The following CTCFL variants were observed in gnomAD, a reference collection of about 807,000 sequenced individuals.
CTCFL encodes CCCTC-binding factor like.
CTCFL carries 36 observed loss-of-function variants against 67.4 expected under a neutral mutation model. That is an observed-to-expected ratio of 0.53 (90% confidence interval 0.41 to 0.71). The LOEUF (loss-of-function observed/expected upper bound fraction) is 0.71, where lower values mean the gene tolerates loss of function less well. Among genes scored for constraint, CTCFL ranks in the 30% least tolerant of loss-of-function variants. The pLI, the probability that CTCFL is intolerant of heterozygous loss-of-function variation, is 0.00. For synonymous variants in CTCFL, 324 were observed against 302.3 expected, an observed-to-expected ratio of 1.07 and a Z score of -0.75; for missense variants, 786 against 835.2, an observed-to-expected ratio of 0.94 and a Z score of 0.73.
At chr20:57,511,114 C>T (rs1600656971) in intron 8 of CTCFL, among the ~76,000 whole-genome samples, 1 of 152,074 alleles carries the variant, frequency 6.6e-6, no homozygotes, top group Non-Finnish European at 1.5e-5. Flanking sequence ...TGAACACAGC[C>T]TACTGCAGCC....
chr20:57,521,936 A>C (rs1252141453), intron 3 of CTCFL, among the ~76,000 whole-genome samples: 3 of 152,266 alleles, frequency 2.0e-5, no homozygotes, highest in Non-Finnish European at 4.4e-5. Flanking sequence ...ACAGAGTAGG[A>C]AGTGACTGCC....
At chr20:57,500,885 A>G (rs2067877637) in intron 10 of CTCFL, among the ~76,000 whole-genome samples, 1 of 152,212 alleles carries the variant, frequency 6.6e-6, no homozygotes, top group South Asian at 2.1e-4. Flanking sequence ...CAAAACCACT[A>G]CATTTAGGTG....
At chr20:57,520,759 T>C (rs73178720) in intron 3 of CTCFL, among the ~76,000 whole-genome samples, 4,399 of 152,306 alleles carry the variant, frequency 0.029, 110 homozygotes, top group Non-Finnish European at 0.048. Flanking sequence ...AAACTTGGAA[T>C]AGAAGGTTTA....
chr20:57,523,581 T>G, intron 2 of CTCFL, 82 bp downstream of exon 2: 1 of 1,524,252 alleles, frequency 6.6e-7, no homozygotes, highest in Non-Finnish European at 8.8e-7. Context: ...CAAAATACCT[T>G]GTCCAGACAT....
At chr20:57,497,156 A>T, downstream of CTCFL, 1 of 730,608 alleles carries the variant, frequency 1.4e-6, no homozygotes, top group South Asian at 6.2e-5. Flanking sequence ...ATGCTGACAT[A>T]TAACAAATAT....
rs552172724 is a variant in CTCFL at position 57,514,206 on chromosome 20, T to C, written c.1330+386A>G. Among the ~76,000 whole-genome samples, 3 of 152,256 alleles carry C rather than the reference T, an allele frequency of 2.0e-5. No individual in the cohort carries two copies. In the South Asian group the frequency reaches 6.2e-4, roughly 32 times the overall value. On this transcript the variant is annotated intron_variant, in intron 7 of 10. Transcript: ENST00000243914. ...CTGGGTGCCATAGATAGAGCACTGA[T>C]AAATAGGAACCCAGAATCCAGCCAC...
intron 9 of CTCFL, among the ~76,000 whole-genome samples, chr20:57,506,221 T>G (rs2068201035): frequency 6.6e-6 from 1 of 152,230 alleles, no homozygotes; most frequent in Non-Finnish European, 1.5e-5. Flanking sequence ...CTGATTTGCG[T>G]TGCCCTGGTG....
chr20:57,512,729 C>T lies in CTCFL; in HGVS notation c.1354G>A (p.Ala452Thr), dbSNP rs762945691. ...DLRVHMRNLH[A>T]YSAAELKCRY... Reference sequence around the variant, plus strand: ...CATTTCAGCTCTGCAGCGCTGTAAGCATGCAAGTTGCGCATATGCACACCT... The same window carrying T: ...CATTTCAGCTCTGCAGCGCTGTAAGTATGCAAGTTGCGCATATGCACACCT... Residue 452 changes from alanine (A) to threonine (T), a missense_variant, in exon 8 of 11, where the codon GCT becomes ACT. Ala to Thr is a moderately conservative substitution (Grantham distance 58). This residue lies in a region of CTCFL where 254 missense variants were observed against 333.9 expected (regional missense o/e 0.76). Coordinates refer to ENST00000243914, the MANE Select transcript of CTCFL (RefSeq NM_001386993.1). The T allele has an allele frequency of 6.2e-7, 1 of 1,614,188 alleles. No homozygotes were observed. The highest frequency in any genetic ancestry group is 2.2e-5 in the East Asian group (1 of 44,896).
At position 57,508,715 on chromosome 20, in the gene CTCFL, C is replaced by T. The variant is rs974384203; in HGVS notation, c.1565G>A (p.Cys522Tyr). 1 of 1,614,168 alleles carries T rather than the reference C, an allele frequency of 6.2e-7. No homozygotes were observed. Among genetic ancestry groups the T allele is most frequent in the Non-Finnish European group, 8.5e-7 (1 of 1,180,024 alleles). The change falls in exon 9 of 11, where the codon TGT becomes TAT. Residue 522 changes from cysteine to tyrosine, a missense_variant. Physicochemically the swap from Cys to Tyr is radical, Grantham distance 194 (BLOSUM62 -2). Transcript: ENST00000243914. Reference protein sequence around the residue: ...KPFTCLSCNKCFRQKQLLNAH... With the variant: ...KPFTCLSCNKYFRQKQLLNAH... ...GTTTAGAAGTTGCTTCTGTCGGAAA[C>T]ATTTATTGCAAGAAAGGCAGGTGAA... is the stretch of plus-strand genomic sequence containing the variant.
chr20:57,496,015 G>A (rs927281474), downstream of CTCFL: 1 of 382,480 alleles, frequency 2.6e-6, no homozygotes, highest in African/African-American at 2.1e-5. Flanking sequence ...CATACATTTG[G>A]TTGTAGTAAA....
At chr20:57,502,371 T>C (rs889948330) in intron 10 of CTCFL, among the ~76,000 whole-genome samples, 2 of 152,086 alleles carry the variant, frequency 1.3e-5, no homozygotes, top group Non-Finnish European at 2.9e-5. Flanking sequence ...AGTATAAGTA[T>C]ATCCCAAATA....
rs750658297 is a variant in CTCFL, at chr20:57,515,835, C to G, written c.1060-1G>C. 3 of 1,606,540 alleles carry G rather than the reference C, an allele frequency of 1.9e-6. No homozygotes were observed. The highest frequency in any genetic ancestry group is 2.5e-6 in the Non-Finnish European group (3 of 1,177,124). ...GGACATGGCGCTTCAATTTACTTGC[C>G]TAATAAATACATAAATGATGTTCGT... On this transcript the variant is annotated splice_acceptor_variant, in intron 5 of 10. Coordinates refer to ENST00000243914, the MANE Select transcript of CTCFL (RefSeq NM_001386993.1). LOFTEE classifies it high-confidence loss of function.
chr20:57,511,458 T>C (rs543046260), intron 8 of CTCFL, among the ~76,000 whole-genome samples: 17 of 152,318 alleles, frequency 1.1e-4, no homozygotes, highest in African/African-American at 3.6e-4. Flanking sequence ...ATCTTTTACC[T>C]GTGTGTGAGT....
In CTCFL at chr20:57,518,869, G is replaced by A. The variant is rs376829541; in HGVS notation, c.948C>T (p.Asn316=). The change falls in exon 5 of 11, where the codon AAC becomes AAT. Residue 316 remains asparagine (N), a synonymous_variant. Transcript: ENST00000243914. The part of the protein sequence containing the change: ...THTGTRPYKC[N]DCNMAFVTSG... ...TGGTGACAAATGCCATGTTGCAGTC[G>A]TTACACTTGTAGGGCCTGGTTCCTG... 1.1e-5 allele frequency: 18 copies of A among 1,613,698 alleles called. No individual in the cohort carries two copies. The highest frequency in any genetic ancestry group is 8.3e-5 in the Admixed American group (5 of 59,956).
intron 6 of CTCFL, chr20:57,515,436 TGCCTG>T: frequency 2.6e-6 from 1 of 384,672 alleles, no homozygotes; most frequent in South Asian, 2.4e-5. Context: ...TGAGCCACCA[TGCCTG>T]GCCAGGAGTT....
chr20:57,512,773 T>C lies in CTCFL; in HGVS notation c.1331-21A>G, dbSNP rs528928110. 1,066 of 1,611,760 alleles carry C rather than the reference T, an allele frequency of 6.6e-4. 18 individuals are homozygous for C. The South Asian group carries it at 0.011, about 17-fold the overall frequency. On this transcript the variant is annotated intron_variant, in intron 7 of 10. Transcript: ENST00000243914. The stretch of plus-strand genomic sequence containing the variant: ...CACACCTAAAATGGTCACAGAACAT[T>C]ATATACTTCAAGAGTGTTGTTTTCT...
chr20:57,496,340 C>T (rs1275945479), downstream of CTCFL: 1 of 683,796 alleles, frequency 1.5e-6, no homozygotes, highest in Non-Finnish European at 2.7e-6. Flanking sequence ...ATACCAACAT[C>T]ATCCTTCCTG....
At chr20:57,498,897 C>T (rs879882690) in intron 10 of CTCFL, among the ~76,000 whole-genome samples, 196 bp from the exon 11 acceptor site, 5 of 152,136 alleles carry the variant, frequency 3.3e-5, no homozygotes, top group Admixed American at 6.5e-5. Context: ...TTAGCCTCAG[C>T]GCTACAGACG....
chr20:57,500,815 A>G (rs771259739), intron 10 of CTCFL, among the ~76,000 whole-genome samples: 2 of 152,324 alleles, frequency 1.3e-5, no homozygotes, highest in South Asian at 2.1e-4. Flanking sequence ...CTGGAGGTTT[A>G]AGAGATAATT....
Sources: allele counts gnomAD v4.1 joint callset (sites outside exome capture counted in the v4.1 genomes callset), GRCh38; gene constraint gnomAD v4.1.1; regional missense constraint gnomAD v4.1.1; transcripts MANE v1.5; gene names NCBI Gene and HGNC (gene_info 2026-07-23, HGNC 2026-07-21).